GPAT3: variants seen among roughly 807,000 people sequenced by gnomAD.
GPAT3 encodes the protein glycerol-3-phosphate acyltransferase 3.
Under a neutral mutation model 58.8 loss-of-function variants are expected in GPAT3, and 53 were observed. The ratio of observed to expected loss-of-function variants is 0.90; its 90% CI spans 0.72 to 1.13. The LOEUF (loss-of-function observed/expected upper bound fraction) is 1.13, where lower values mean the gene tolerates loss of function less well. GPAT3 is among the 50% of genes most tolerant of loss of function. GPAT3 has a pLI of 0.00. For synonymous variants in GPAT3, 197 were observed against 187.4 expected (o/e 1.05, Z -0.42); for missense variants, 511 against 527.6 (o/e 0.97, Z 0.31).
chr4:83,563,601 G>A (rs539601912), intron 2 of GPAT3, among the ~76,000 whole-genome samples: 25 of 150,456 alleles, frequency 1.7e-4, no homozygotes, highest in African/African-American at 5.9e-4. Flanking sequence ...CCTGCCTTAG[G>A]CTCCTGAATA....
At chr4:83,591,722 T>A (rs1726607529) in intron 6 of GPAT3, among the ~76,000 whole-genome samples, 1 of 152,118 alleles carries the variant, frequency 6.6e-6, no homozygotes, top group African/African-American at 2.4e-5. Flanking sequence ...TATTTGACCT[T>A]CCCTGTAATC....
At chr4:83,566,114 C>G (rs1456600084) in intron 2 of GPAT3, among the ~76,000 whole-genome samples, 1 of 152,172 alleles carries the variant, frequency 6.6e-6, no homozygotes, top group African/African-American at 2.4e-5. Context: ...AATAAGGAGA[C>G]TTTTCTCCTC....
chr4:83,536,654 T>C lies in GPAT3; in HGVS notation c.32T>C (p.Leu11Pro). ...GGCGCAGAGCTGGCCGGGAAGATCCTTTCCACCTGGCTGACGCTGGTTCTC... is the reference window on the plus strand; with the variant it reads ...GGCGCAGAGCTGGCCGGGAAGATCCCTTCCACCTGGCTGACGCTGGTTCTC... Reference protein sequence around the residue: MEGAELAGKILSTWLTLVLGF... With the variant: MEGAELAGKIPSTWLTLVLGF... Residue 11 changes from leucine to proline, a missense_variant, in exon 1 of 12, where the codon CTT (leucine) becomes CCT (proline). Physicochemically the swap from Leu to Pro is moderately conservative, Grantham distance 98. Transcript: ENST00000264409. 6.2e-7 allele frequency: 1 copy of C among 1,613,226 alleles called. No individual in the cohort carries two copies. Among genetic ancestry groups the C allele is most frequent in the Non-Finnish European group, 8.5e-7 (1 of 1,179,990 alleles).
intron 2 of GPAT3, among the ~76,000 whole-genome samples, chr4:83,569,427 C>A (rs1725521528): frequency 6.6e-6 from 1 of 152,168 alleles, no homozygotes; most frequent in Admixed American, 6.6e-5. Flanking sequence ...ATAAACCTTG[C>A]CTGGCTGACG....
upstream of GPAT3, chr4:83,535,692 A>G: frequency 1.0e-6 from 1 of 984,772 alleles, no homozygotes; most frequent in Non-Finnish European, 1.2e-6. Flanking sequence ...AGAGCTTCCT[A>G]CTCTCGGGAT....
chr4:83,563,313 G>A (rs2110083671), intron 2 of GPAT3, among the ~76,000 whole-genome samples: 1 of 152,190 alleles, frequency 6.6e-6, no homozygotes, highest in East Asian at 1.9e-4. Flanking sequence ...AAAAATTATA[G>A]CAATTTAAAA....
intron 5 of GPAT3, among the ~76,000 whole-genome samples, chr4:83,588,531 T>C (rs948395725): frequency 6.6e-6 from 1 of 152,230 alleles, no homozygotes; most frequent in African/African-American, 2.4e-5. Context: ...TGGGCATTTA[T>C]GGTGTGCAGG....
chr4:83,545,382 G>A (rs944203565), intron 2 of GPAT3, among the ~76,000 whole-genome samples: 16 of 151,886 alleles, frequency 1.1e-4, no homozygotes, highest in African/African-American at 3.9e-4. Flanking sequence ...GGAAGTTGAG[G>A]CTGTAGTGAG....
At position 83,602,019 on chromosome 4, in the gene GPAT3, T is replaced by C. The variant is rs115552612; in HGVS notation, c.1206-2649T>C. Among the ~76,000 whole-genome samples the C allele has an allele frequency of 2.3e-3, 355 of 152,302 alleles. 1 individual carries two copies. Among genetic ancestry groups the C allele is most frequent in the African/African-American group, 8.1e-3 (337 of 41,564 alleles). On this transcript the variant is annotated intron_variant, in intron 11 of 11. Coordinates refer to ENST00000264409, the MANE Select transcript of GPAT3 (RefSeq NM_032717.5). ...AAACATTTGTATTACACTGTCTACA[T>C]TGGAATATGTTAAACTAAATGACAG...
intron 2 of GPAT3, among the ~76,000 whole-genome samples, chr4:83,557,681 T>C (rs1171837551): frequency 2.6e-5 from 4 of 152,188 alleles, no homozygotes; most frequent in East Asian, 1.9e-4. Flanking sequence ...TCATGTCTCA[T>C]TGTTTTGGAG....
intron 3 of GPAT3, among the ~76,000 whole-genome samples, chr4:83,582,100 T>C (rs1726160855): frequency 6.6e-6 from 1 of 151,916 alleles, no homozygotes; most frequent in Admixed American, 6.5e-5. Flanking sequence ...AACTTGAGGA[T>C]GGAGAGAAAA....
chr4:83,571,468 T>C (rs879351745), intron 2 of GPAT3, among the ~76,000 whole-genome samples: 2 of 152,016 alleles, frequency 1.3e-5, no homozygotes, highest in African/African-American at 2.4e-5. Flanking sequence ...TTTGTGGGTA[T>C]GTAGTAGTAT....
At chr4:83,550,745 G>A (rs931614845) in intron 2 of GPAT3, among the ~76,000 whole-genome samples, 1 of 152,060 alleles carries the variant, frequency 6.6e-6, no homozygotes, top group Non-Finnish European at 1.5e-5. Flanking sequence ...TTTCAGTCAT[G>A]GTTCACAAAA....
rs77246764 is a variant in GPAT3, at chr4:83,547,064, C to T, written c.208+2462C>T. 3.7e-3 allele frequency among the ~76,000 whole-genome samples: 563 copies of T among 151,984 alleles called. 6 individuals carry two copies. The highest frequency in any genetic ancestry group is 0.013 in the African/African-American group (534 of 41,376). ...GTGCTTGGCTGGTGCAGTTTTTGGC[C>T]TTGAGAGCACCATGTCTCTGTACCA... On this transcript the variant is annotated intron_variant, in intron 2 of 11. Transcript: ENST00000264409.
chr4:83,535,817 T>C (rs962860720), upstream of GPAT3: 1 of 985,296 alleles, frequency 1.0e-6, no homozygotes. Context: ...GGAAGCCCTT[T>C]CCAAGAGTTC....
rs368562390 is a variant in GPAT3, at chr4:83,603,715, G to A, written c.1206-953G>A. ...TGAGACAGGAGAATCACTTGAACTC[G>A]GGAAGTGGAGGTTGCGGTGAGCCAA... On this transcript the variant is annotated intron_variant, in intron 11 of 11. Transcript: ENST00000264409. Among the ~76,000 whole-genome samples the A allele has an allele frequency of 5.9e-5, 9 of 151,396 alleles. No individual in the cohort carries two copies. The East Asian group carries it at 7.8e-4, about 13-fold the overall frequency.
chr4:83,542,042 G>A (rs960881963), intron 1 of GPAT3, among the ~76,000 whole-genome samples: 4 of 146,032 alleles, frequency 2.7e-5, no homozygotes, highest in African/African-American at 1.1e-4. Context: ...CTGAGGTACT[G>A]GGGGTTAGAG....
At chr4:83,590,328 T>C (rs375905914) in intron 6 of GPAT3, 36 bp downstream of exon 6, 168 of 1,590,342 alleles carry the variant, frequency 1.1e-4, no homozygotes, top group South Asian at 7.9e-5. Context: ...AGTAGTTGCA[T>C]GTTTTATGGA....
At chr4:83,551,102 C>A (rs1397788436) in intron 2 of GPAT3, among the ~76,000 whole-genome samples, 2 of 152,134 alleles carry the variant, frequency 1.3e-5, no homozygotes, top group African/African-American at 2.4e-5. Flanking sequence ...ATCAAATGTA[C>A]CCAGAGCCTC....
Sources: allele counts gnomAD v4.1 joint callset (sites outside exome capture counted in the v4.1 genomes callset), GRCh38; gene constraint gnomAD v4.1.1; transcripts MANE v1.5; gene names NCBI Gene and HGNC (gene_info 2026-07-23, HGNC 2026-07-21).